Variants in SGPP2 observed in about 807,000 individuals in gnomAD.
The protein encoded by SGPP2 is sphingosine 1-phosphate phosphohydrolase 2.
SGPP2 carries 30 observed loss-of-function variants against 33.9 expected under a neutral mutation model. The observed-to-expected ratio is 0.89, with a 90% CI of 0.66 to 1.20. The LOEUF is 1.20. Ranked by LOEUF, SGPP2 falls within the 50% of genes most tolerant of loss-of-function variation. The pLI, the probability that SGPP2 is intolerant of heterozygous loss-of-function variation, is 0.00. For synonymous variants in SGPP2, 233 were observed against 225.0 expected, an observed-to-expected ratio of 1.04 and a Z score of -0.32; for missense variants, 458 against 532.1, an observed-to-expected ratio of 0.86 and a Z score of 1.37.
chr2:222,470,102 C>T (rs751309354), intron 1 of SGPP2, among the ~76,000 whole-genome samples: 2 of 152,088 alleles, frequency 1.3e-5, no homozygotes, highest in Non-Finnish European at 1.5e-5. Context: ...CATCACACAC[C>T]GGGGCCTGTC....
At chr2:222,464,298 C>T (rs6708243) in intron 1 of SGPP2, among the ~76,000 whole-genome samples, 43,568 of 152,066 alleles carry the variant, frequency 0.29, 6,650 homozygotes, top group East Asian at 0.4. Context: ...TTCTTTGTAT[C>T]GATGCCAATG....
chr2:222,533,903 C>T (rs1698875907), intron 4 of SGPP2, among the ~76,000 whole-genome samples: 1 of 152,006 alleles, frequency 6.6e-6, no homozygotes, highest in Non-Finnish European at 1.5e-5. Context: ...CAAATGCTAT[C>T]CCAGGGGTGC....
upstream of SGPP2, chr2:222,424,473 GC>G (rs1697026191): frequency 9.2e-6 from 4 of 436,360 alleles, no homozygotes; most frequent in Non-Finnish European, 1.3e-5. Flanking sequence ...TGTTGGCTGG[GC>G]CCGGGGCCCC....
intron 4 of SGPP2, among the ~76,000 whole-genome samples, chr2:222,546,227 G>A (rs1689196402): frequency 6.6e-6 from 1 of 152,090 alleles, no homozygotes; most frequent in South Asian, 2.1e-4. Flanking sequence ...CATGTGCATA[G>A]GCCTGTGGCA....
At chr2:222,535,850 T>C (rs928477256) in intron 4 of SGPP2, among the ~76,000 whole-genome samples, 1 of 152,234 alleles carries the variant, frequency 6.6e-6, no homozygotes, top group Non-Finnish European at 1.5e-5. Flanking sequence ...ATGTGGTCCA[T>C]TGGGAAGTGG....
chr2:222,496,757 T>C (rs779271403), intron 2 of SGPP2, among the ~76,000 whole-genome samples: 11 of 152,182 alleles, frequency 7.2e-5, no homozygotes, highest in Non-Finnish European at 1.6e-4. Context: ...CCTTTCATGC[T>C]CTCACCATTC....
intron 4 of SGPP2, among the ~76,000 whole-genome samples, chr2:222,535,270 C>T (rs1220730927): frequency 2.0e-5 from 3 of 151,440 alleles, no homozygotes; most frequent in African/African-American, 4.9e-5. Flanking sequence ...CCCAGCTACT[C>T]AGGAAGCTGA....
intron 2 of SGPP2, among the ~76,000 whole-genome samples, chr2:222,493,187 A>G (rs1698224300): frequency 6.6e-6 from 1 of 152,210 alleles, no homozygotes; most frequent in Non-Finnish European, 1.5e-5. Flanking sequence ...TGAAGATACT[A>G]TCCAAGACTG....
intron 1 of SGPP2, among the ~76,000 whole-genome samples, chr2:222,451,436 G>T (rs1697486960): frequency 6.6e-6 from 1 of 152,178 alleles, no homozygotes. Flanking sequence ...TCTTTGTCTG[G>T]TCTCATAAGT....
chr2:222,427,402 G>A (rs1020696432), intron 1 of SGPP2, among the ~76,000 whole-genome samples: 4 of 151,942 alleles, frequency 2.6e-5, no homozygotes, highest in South Asian at 2.1e-4. Flanking sequence ...CTAAGACTAC[G>A]GATGCATGCC....
chr2:222,468,136 A>G (rs1697779460), intron 1 of SGPP2, among the ~76,000 whole-genome samples: 1 of 152,032 alleles, frequency 6.6e-6, no homozygotes, highest in African/African-American at 2.4e-5. Flanking sequence ...GAAGAGGTTG[A>G]GGTCCATGAT....
At chr2:222,482,393 T>C (rs1300310048) in intron 2 of SGPP2, among the ~76,000 whole-genome samples, 1 of 152,202 alleles carries the variant, frequency 6.6e-6, no homozygotes, top group Non-Finnish European at 1.5e-5. Flanking sequence ...GTCTTTTATT[T>C]GATTAATTGA....
intron 2 of SGPP2, among the ~76,000 whole-genome samples, chr2:222,516,111 A>G (rs928062885): frequency 4.6e-5 from 7 of 152,152 alleles, no homozygotes; most frequent in Admixed American, 6.5e-5. Context: ...TGAAATCATT[A>G]CCACAATCAA....
At chr2:222,478,019 C>G (rs1352291851) in intron 2 of SGPP2, among the ~76,000 whole-genome samples, 2 of 152,010 alleles carry the variant, frequency 1.3e-5, no homozygotes, top group Admixed American at 1.3e-4. Context: ...TCACCAGTCC[C>G]CCTGTGCTGA....
At chr2:222,439,221 A>G (rs188351100) in intron 1 of SGPP2, among the ~76,000 whole-genome samples, 3 of 152,140 alleles carry the variant, frequency 2.0e-5, no homozygotes, top group African/African-American at 7.2e-5. Context: ...TCCTTGGGGA[A>G]GGATGGGAGA....
At chr2:222,433,483 T>G (rs1273112290) in intron 1 of SGPP2, among the ~76,000 whole-genome samples, 2 of 152,150 alleles carry the variant, frequency 1.3e-5, no homozygotes, top group South Asian at 2.1e-4. Flanking sequence ...GGAAGTTAGA[T>G]CCCTCTGCTC....
upstream of SGPP2, chr2:222,424,477 G>C (rs1312533805): frequency 1.1e-5 from 6 of 525,850 alleles, no homozygotes; most frequent in East Asian, 2.2e-4. Context: ...GGCTGGGCCC[G>C]GGGCCCCGCC....
At chr2:222,522,425 C>A (rs1414478085) in intron 3 of SGPP2, among the ~76,000 whole-genome samples, 1 of 152,178 alleles carries the variant, frequency 6.6e-6, no homozygotes, top group Non-Finnish European at 1.5e-5. Flanking sequence ...ATGTCTCTGC[C>A]CTGGTTAAGG....
At position 222,486,543 on chromosome 2, in the gene SGPP2, A is replaced by C. The variant is rs186868307; in HGVS notation, c.378+11817A>C. ...GCTATTCCTTCAGTGAGTATGGACT[A>C]TTTGCCAACTTTCAAGATATTCACT... is the stretch of plus-strand genomic sequence containing the variant. On this transcript the variant is annotated intron_variant, in intron 2 of 4. Coordinates refer to ENST00000321276, the MANE Select transcript of SGPP2 (RefSeq NM_152386.4). 2.6e-5 allele frequency among the ~76,000 whole-genome samples: 4 copies of C among 152,282 alleles called. No individual in the cohort carries two copies. The East Asian group carries it at 7.7e-4, about 29-fold the overall frequency.
Sources: gnomAD v4.1 joint callset for allele counts (sites outside exome capture counted in the v4.1 genomes callset) on GRCh38, gnomAD v4.1.1 for gene constraint, MANE v1.5 for transcripts, NCBI Gene and HGNC (gene_info 2026-07-23, HGNC 2026-07-21) for gene names.